CTPS1: variants seen among roughly 807,000 people sequenced by gnomAD.
CTPS1 encodes CTP synthase 1, also known as CTP synthetase 1.
CTPS1 carries 25 observed loss-of-function variants against 80.5 expected under a neutral mutation model. That is an observed-to-expected ratio of 0.31 (90% CI 0.23 to 0.43). The LOEUF (loss-of-function observed/expected upper bound fraction) is 0.43. Among genes scored for constraint, CTPS1 ranks in the 20% least tolerant of loss-of-function variants. The pLI is 1.00. For missense variants in CTPS1, 442 were observed against 725.7 expected (o/e 0.61, Z 4.49); for synonymous variants, 267 against 252.5 (o/e 1.06, Z -0.54).
chr1:40,997,180 T>C (rs1231674144), intron 8 of CTPS1: 3 of 516,936 alleles, frequency 5.8e-6, no homozygotes, highest in Middle Eastern at 5.1e-4. Context: ...TTGCCCAGGC[T>C]GTAGTGCAGT....
At chr1:40,997,316 C>T (rs1477590678) in intron 8 of CTPS1, 78 bp from the exon 9 acceptor site, 24 of 1,519,914 alleles carry the variant, frequency 1.6e-5, no homozygotes, top group African/African-American at 2.8e-5. Flanking sequence ...GTTTTTTTTC[C>T]CTTGAAATAG....
intron 3 of CTPS1, among the ~76,000 whole-genome samples, chr1:40,985,452 G>C (rs918341581): frequency 6.6e-6 from 1 of 152,266 alleles, no homozygotes; most frequent in South Asian, 2.1e-4. Context: ...GGAGGAGCCT[G>C]AGAAGTGGGT....
At chr1:40,982,001 A>G in intron 1 of CTPS1, 1 of 1,288,756 alleles carries the variant, frequency 7.8e-7, no homozygotes, top group Non-Finnish European at 1.0e-6. Context: ...CAAAGTAAGC[A>G]TTTTCTGCTA....
intron 6 of CTPS1, 60 bp downstream of exon 6, chr1:40,991,308 A>G (rs533748476): frequency 7.8e-7 from 1 of 1,281,422 alleles, no homozygotes; most frequent in East Asian, 2.4e-5. Context: ...AGATCACTCT[A>G]TCATGACAGA....
At chr1:40,987,336 C>A in intron 3 of CTPS1, 36 bp from the exon 4 acceptor site, 2 of 1,464,408 alleles carry the variant, frequency 1.4e-6, no homozygotes, top group Non-Finnish European at 1.9e-6. Context: ...TGTAGATGGA[C>A]AAGCGTAAGT....
intron 8 of CTPS1, 87 bp from the exon 9 acceptor site, chr1:40,997,307 T>TA: frequency 6.7e-7 from 1 of 1,496,558 alleles, no homozygotes; most frequent in Non-Finnish European, 9.0e-7. Flanking sequence ...CCAGACGTGG[T>TA]TTTTTTTCCC....
At chr1:41,008,271 ATCATCAGAGG>A (rs1643084415) in intron 14 of CTPS1, among the ~76,000 whole-genome samples, 1 of 152,190 alleles carries the variant, frequency 6.6e-6, no homozygotes, top group Non-Finnish European at 1.5e-5. Flanking sequence ...GAACTGAATG[ATCATCAGAGG>A]TCATCTGTGC....
At chr1:41,004,632 T>G (rs1286767977) in intron 12 of CTPS1, among the ~76,000 whole-genome samples, 1 of 152,154 alleles carries the variant, frequency 6.6e-6, no homozygotes, top group Non-Finnish European at 1.5e-5. Context: ...TCCTTTGCCT[T>G]TTGGTCTTTA....
rs750664691 is a variant in CTPS1 at position 40,983,469 on chromosome 1, G to T, written c.166+13G>T. On this transcript the variant is annotated intron_variant, in intron 2 of 18. Transcript: ENST00000650070. ...CCTTATGAGCATGGTAAGCACAGTGGATTTCTTCATAATAATTGCATGTGG... is the reference window on the plus strand; with the variant it reads ...CCTTATGAGCATGGTAAGCACAGTGTATTTCTTCATAATAATTGCATGTGG... 1.9e-6 allele frequency: 3 copies of T among 1,585,848 alleles called. No homozygotes were observed. The highest frequency in any genetic ancestry group is 2.7e-5 in the African/African-American group (2 of 74,092).
At position 41,002,156 on chromosome 1, in the gene CTPS1, G is replaced by A. The variant is rs1439034246; in HGVS notation, c.1095-4G>A. 2 of 1,613,932 alleles carry A rather than the reference G, an allele frequency of 1.2e-6. No individual in the cohort carries two copies. The highest frequency in any genetic ancestry group is 2.2e-5 in the South Asian group (2 of 91,080). On this transcript the variant is annotated splice_polypyrimidine_tract_variant and splice_region_variant and intron_variant, in intron 10 of 18. Transcript: ENST00000650070. ...TTGCCTTTGTGGTTTGTTCTTTTGT[G>A]CAGTGGAGTGCTGGTTCCAGGAGGA...
rs1438984419 is a variant in CTPS1, at chr1:41,001,070, A to G, written c.1047A>G (p.Glu349=). The G allele has an allele frequency of 6.2e-7, 1 of 1,612,782 alleles. No homozygotes were observed. Among genetic ancestry groups the G allele is most frequent in the Non-Finnish European group, 8.5e-7 (1 of 1,179,598 alleles). ...ACTTGGAGCCCATCACCTCGCAAGA[A>G]GAGCCCGTGCGCTACCACGAAGCTT... ...SADLEPITSQ[E]EPVRYHEAWQ... is the part of the protein sequence containing the mutation. Residue 349 remains glutamate, a synonymous_variant, in exon 10 of 19, where the codon GAA becomes GAG. Coordinates refer to ENST00000650070, the MANE Select transcript of CTPS1 (RefSeq NM_001905.4).
At chr1:41,010,313 C>A in intron 18 of CTPS1, 59 bp downstream of exon 18, 2 of 1,209,270 alleles carry the variant, frequency 1.7e-6, no homozygotes, top group Non-Finnish European at 2.4e-6. Flanking sequence ...ACTGCGATTG[C>A]AAGAATATCA....
chr1:40,995,649 A>G (rs1642733257), intron 7 of CTPS1, among the ~76,000 whole-genome samples: 1 of 152,076 alleles, frequency 6.6e-6, no homozygotes, highest in African/African-American at 2.4e-5. Context: ...TCCTCCTGCC[A>G]TGGCCTCCCA....
At chr1:40,984,110 G>A (rs1402314215) in intron 2 of CTPS1, among the ~76,000 whole-genome samples, 5 of 152,150 alleles carry the variant, frequency 3.3e-5, no homozygotes, top group East Asian at 1.9e-4. Flanking sequence ...AGAAATCCTC[G>A]TAACAAATGG....
At chr1:40,992,169 G>T (rs910172163) in intron 7 of CTPS1, among the ~76,000 whole-genome samples, 9 of 152,138 alleles carry the variant, frequency 5.9e-5, no homozygotes, top group Non-Finnish European at 1.0e-4. Flanking sequence ...CCCTCTTCCT[G>T]TTGGCTTGGC....
Position 41,010,381 on chromosome 1 carries a change from A to G in CTPS1, c.*9+127A>G. On this transcript the variant is annotated intron_variant, in intron 18 of 18. Transcript: ENST00000650070. The stretch of plus-strand genomic sequence containing the variant: ...AGGAATGAAAGTGGTGAGGTCTTGA[A>G]TATAATCCAGAGGTTGAGAGAGAAA... 4.6e-6 allele frequency: 3 copies of G among 657,554 alleles called. No individual in the cohort carries two copies. The South Asian group carries it at 5.5e-5, about 12-fold the overall frequency. The allele number at this position is 657,554 out of a possible 1,614,324, so 40.7% of individuals were successfully genotyped here.
chr1:40,982,310 A>G (rs1642331167), intron 1 of CTPS1, among the ~76,000 whole-genome samples: 1 of 151,894 alleles, frequency 6.6e-6, no homozygotes, highest in Non-Finnish European at 1.5e-5. Context: ...CCTCTCCCCC[A>G]GTATTTACAG....
chr1:41,003,070 C>G (rs778551378), intron 11 of CTPS1, 44 bp from the exon 12 acceptor site: 13 of 1,603,046 alleles, frequency 8.1e-6, no homozygotes, highest in African/African-American at 1.3e-5. Context: ...GTAGGAGCTG[C>G]CTTTTCAATG....
In CTPS1 at chr1:41,009,370, T is replaced by G; in HGVS notation, c.1547-75T>G. 2.1e-6 allele frequency: 3 copies of G among 1,402,830 alleles called. No homozygotes were observed. The East Asian group carries it at 7.2e-5, about 34-fold the overall frequency. 86.9% of individuals were successfully genotyped at this position (1,402,830 alleles called of 1,614,324 possible). A position where few individuals can be genotyped will look rare whatever the true frequency, so the allele number is the denominator to read the frequency against. ...TTTAGGGCCTATGGAAACAAACATTTAAGCAGATTTTGTTCTTTTACACTT... is the reference window on the plus strand; with the variant it reads ...TTTAGGGCCTATGGAAACAAACATTGAAGCAGATTTTGTTCTTTTACACTT... On this transcript the variant is annotated intron_variant, in intron 16 of 18. Transcript: ENST00000650070.
Sources: gnomAD v4.1 joint callset for allele counts (sites outside exome capture counted in the v4.1 genomes callset) on GRCh38, gnomAD v4.1.1 for gene constraint, MANE v1.5 for transcripts, NCBI Gene and HGNC (gene_info 2026-07-23, HGNC 2026-07-21) for gene names.